Variants in DNAH6 observed in about 807,000 individuals in gnomAD.
DNAH6 encodes the protein axonemal beta dynein heavy chain 6.
DNAH6 carries 340 observed loss-of-function variants against 491.4 expected under a neutral mutation model. The ratio of observed to expected loss-of-function variants is 0.69; its 90% CI spans 0.63 to 0.76. The LOEUF is 0.76. Ranked by LOEUF, DNAH6 falls within the 30% of genes least tolerant of loss-of-function variation. The pLI is 0.00. For missense variants in DNAH6, 4,443 were observed against 4,972.2 expected (o/e 0.89, Z 3.20); for synonymous variants, 1,603 against 1,686.1 (o/e 0.95, Z 1.21).
chr2:84,727,735 C>A lies in DNAH6; in HGVS notation c.10039C>A (p.Leu3347Ile). ...TCTACAACAGCGCCTGGACGTACTA[C>A]TAGAACAAACTCTCCTAACTGCTTA... ...ENLQQRLDVL[L>I]EQTLLTAYVN... Residue 3347 changes from leucine (L) to isoleucine (I), a missense_variant, in exon 61 of 77, where the codon CTA (leucine) becomes ATA (isoleucine). Leu to Ile is a conservative substitution (Grantham distance 5, BLOSUM62 2). This residue lies in a region of DNAH6 where 1,463 missense variants were observed against 1,656.6 expected (regional missense o/e 0.88). Coordinates refer to ENST00000389394, the MANE Select transcript of DNAH6 (RefSeq NM_001370.2). The A allele has an allele frequency of 6.4e-7, 1 of 1,551,588 alleles. No individual in the cohort carries two copies. Among genetic ancestry groups the A allele is most frequent in the Non-Finnish European group, 8.7e-7 (1 of 1,146,870 alleles).
intron 26 of DNAH6, among the ~76,000 whole-genome samples, chr2:84,622,567 C>T (rs761456535): frequency 6.6e-6 from 1 of 152,048 alleles, no homozygotes; most frequent in Admixed American, 6.6e-5. Context: ...TCTCTTTATC[C>T]GTTCATCCAT....
At chr2:84,533,914 GT>G (rs1346037076) in intron 4 of DNAH6, among the ~76,000 whole-genome samples, 1 of 152,056 alleles carries the variant, frequency 6.6e-6, no homozygotes, top group Non-Finnish European at 1.5e-5. Context: ...AAAAACTAAG[GT>G]TGTTATTGAA....
At chr2:84,640,743 C>T (rs1408535418) in intron 32 of DNAH6, among the ~76,000 whole-genome samples, 165 bp downstream of exon 32, 1 of 152,196 alleles carries the variant, frequency 6.6e-6, no homozygotes, top group African/African-American at 2.4e-5. Context: ...GACACAGGCT[C>T]TCTCTCTTTA....
rs1689433445 is a variant in DNAH6, at chr2:84,641,805, A to G, written c.4971-142A>G. ...TGTCAGTATGCTCTGATGGAGATGA[A>G]CGCTGAACACACGAGGGAAAATGAT... On this transcript the variant is annotated intron_variant, in intron 32 of 76. Coordinates refer to ENST00000389394, the MANE Select transcript of DNAH6 (RefSeq NM_001370.2). 6 of 640,980 alleles carry G rather than the reference A, an allele frequency of 9.4e-6. No individual in the cohort carries two copies. The South Asian group carries it at 1.2e-4, about 13-fold the overall frequency. 39.7% of individuals were successfully genotyped at this position (640,980 alleles called of 1,614,324 possible).
chr2:84,583,324 C>T (rs900927876), intron 14 of DNAH6, among the ~76,000 whole-genome samples: 1 of 152,184 alleles, frequency 6.6e-6, no homozygotes, highest in Non-Finnish European at 1.5e-5. Flanking sequence ...TGAACAACCC[C>T]ACAGCACATG....
chr2:84,506,323 G>A, the DNAH6 span, among the ~76,000 whole-genome samples: 4 of 151,902 alleles, frequency 2.6e-5, no homozygotes, highest in African/African-American at 4.8e-5. Context: ...GCCAGTGATG[G>A]TGAGCATTTT....
intron 33 of DNAH6, among the ~76,000 whole-genome samples, chr2:84,644,394 G>T (rs755280031): frequency 2.0e-5 from 3 of 152,130 alleles, no homozygotes; most frequent in Non-Finnish European, 2.9e-5. Flanking sequence ...AGCATGAAGA[G>T]ATTTCTTTTC....
At chr2:84,789,691 G>A (rs77317578) in intron 68 of DNAH6, among the ~76,000 whole-genome samples, 1 of 152,162 alleles carries the variant, frequency 6.6e-6, no homozygotes, top group Non-Finnish European at 1.5e-5. Context: ...TAAAAAGTTA[G>A]CCAAAACTTT....
chr2:84,583,247 G>A (rs928066463), intron 14 of DNAH6, among the ~76,000 whole-genome samples: 7 of 152,146 alleles, frequency 4.6e-5, no homozygotes, highest in African/African-American at 1.7e-4. Flanking sequence ...ACAGCCTATC[G>A]ATCCCTCGGG....
chr2:84,585,076 C>T (rs575137543), intron 15 of DNAH6, among the ~76,000 whole-genome samples: 16 of 152,142 alleles, frequency 1.1e-4, no homozygotes, highest in Non-Finnish European at 1.8e-4. Context: ...AAAAACAGCT[C>T]ACATTGTGTG....
intron 12 of DNAH6, among the ~76,000 whole-genome samples, chr2:84,576,984 T>G (rs1361500699): frequency 6.6e-6 from 1 of 152,202 alleles, no homozygotes; most frequent in Non-Finnish European, 1.5e-5. Context: ...GATTCTCTAA[T>G]GCACTTACAA....
At chr2:84,490,250 C>A in the DNAH6 span, among the ~76,000 whole-genome samples, 1 of 151,904 alleles carries the variant, frequency 6.6e-6, no homozygotes, top group Admixed American at 6.6e-5. Flanking sequence ...TTCTTTCTTT[C>A]TGACTCTTTC....
intron 37 of DNAH6, among the ~76,000 whole-genome samples, chr2:84,666,924 G>A (rs190431351): frequency 2.0e-5 from 3 of 152,250 alleles, no homozygotes; most frequent in Admixed American, 1.3e-4. Context: ...GAACCGAACA[G>A]AGCCCTCAGA....
chr2:84,763,756 GTGTGTGTGTGTA>G, intron 64 of DNAH6, among the ~76,000 whole-genome samples: 1 of 145,550 alleles, frequency 6.9e-6, no homozygotes, highest in African/African-American at 2.7e-5. Context: ...GTGTGTGTGT[GTGTGTGTGTGTA>G]TGAAGTTGCA....
chr2:84,531,781 AT>A (rs1677199167), intron 4 of DNAH6, among the ~76,000 whole-genome samples: 2 of 151,980 alleles, frequency 1.3e-5, no homozygotes, highest in Admixed American at 6.6e-5. Context: ...GAGAGAATTC[AT>A]TTTTTTAAGA....
At chr2:84,659,946 C>T (rs568690140) in intron 37 of DNAH6, among the ~76,000 whole-genome samples, 1 of 152,280 alleles carries the variant, frequency 6.6e-6, no homozygotes. Flanking sequence ...CTTACCACTG[C>T]ACTCTGGCCT....
At chr2:84,612,600 T>C (rs986176935) in intron 22 of DNAH6, among the ~76,000 whole-genome samples, 1 of 152,184 alleles carries the variant, frequency 6.6e-6, no homozygotes, top group Admixed American at 6.5e-5. Context: ...GAAAATTCTT[T>C]GGGTCTTTTC....
chr2:84,699,498 T>G, intron 47 of DNAH6, 96 bp from the exon 48 acceptor site: 2 of 1,055,698 alleles, frequency 1.9e-6, no homozygotes, highest in East Asian at 2.6e-5. Context: ...ACATTTTATA[T>G]TTGATATTGG....
chr2:84,604,308 C>T lies in DNAH6; in HGVS notation c.2869-31C>T, dbSNP rs777696786. ...TGGGTTATATTTTTAAGATAAAAAG[C>T]TTCATGTCTCTGAGAGTGTTTGTTT... is the stretch of plus-strand genomic sequence containing the variant. On this transcript the variant is annotated intron_variant, in intron 18 of 76. Coordinates refer to ENST00000389394, the MANE Select transcript of DNAH6 (RefSeq NM_001370.2). 257 of 1,502,694 alleles carry T rather than the reference C, an allele frequency of 1.7e-4. 2 individuals are homozygous for T. The Admixed American group carries it at 3.5e-3, about 20-fold the overall frequency. 93.1% of individuals were successfully genotyped at this position (1,502,694 alleles called of 1,614,324 possible).
Sources: gnomAD v4.1 joint callset for allele counts (sites outside exome capture counted in the v4.1 genomes callset) on GRCh38, gnomAD v4.1.1 for gene constraint, gnomAD v4.1.1 regional missense constraint, MANE v1.5 for transcripts, NCBI Gene and HGNC (gene_info 2026-07-23, HGNC 2026-07-21) for gene names.